The following TRABD2A variants were observed in gnomAD, a reference collection of about 807,000 sequenced individuals.
The protein encoded by TRABD2A is metalloprotease TIKI1.
Under a neutral mutation model 45.6 loss-of-function variants are expected in TRABD2A, and 43 were observed. The ratio of observed to expected loss-of-function variants is 0.94; its 90% confidence interval spans 0.74 to 1.22. The LOEUF is 1.22. Among genes scored for constraint, TRABD2A ranks in the 50% most tolerant of loss-of-function variants. The pLI is 0.00. For synonymous variants in TRABD2A, 269 were observed against 265.0 expected (o/e 1.02, Z -0.15); for missense variants, 642 against 652.4 (o/e 0.98, Z 0.17).
intron 4 of TRABD2A, chr2:84,834,571 C>T (rs1230848982): frequency 1.3e-5 from 2 of 152,446 alleles, no homozygotes; most frequent in African/African-American, 4.8e-5. Context: ...CAGCCCCTGG[C>T]AACCACTAAT....
chr2:84,856,219 C>A (rs1165583379), intron 2 of TRABD2A, among the ~76,000 whole-genome samples: 1 of 152,020 alleles, frequency 6.6e-6, no homozygotes, highest in Admixed American at 6.5e-5. Context: ...TTGAGGGTGT[C>A]TGGTCCTTGC....
intron 1 of TRABD2A, among the ~76,000 whole-genome samples, chr2:84,871,980 C>G (rs1682883432): frequency 6.6e-6 from 1 of 152,196 alleles, no homozygotes; most frequent in African/African-American, 2.4e-5. Flanking sequence ...TCTCTCCAAG[C>G]AGTTGCACAT....
intron 2 of TRABD2A, among the ~76,000 whole-genome samples, chr2:84,853,178 G>A (rs1041012400): frequency 6.6e-6 from 1 of 151,832 alleles, no homozygotes; most frequent in Non-Finnish European, 1.5e-5. Flanking sequence ...CACCCACAGG[G>A]GGAAGACCAT....
At position 84,822,182 on chromosome 2, in the gene TRABD2A, C is replaced by G. The variant is rs1681022766; in HGVS notation, c.1335-82G>C. On this transcript the variant is annotated intron_variant, in intron 6 of 6. Coordinates refer to ENST00000409520, the MANE Select transcript of TRABD2A (RefSeq NM_001277053.2). ...CCAAGGCCCCCAAATGCCCACACAG[C>G]TTCTCTTCATCTCCCCTCCTTATAG... 3.3e-6 allele frequency: 4 copies of G among 1,228,624 alleles called. No individual in the cohort carries two copies. In the South Asian group the frequency reaches 5.0e-5, roughly 15 times the overall value. 76.1% of individuals were successfully genotyped at this position (1,228,624 alleles called of 1,614,324 possible).
intron 4 of TRABD2A, chr2:84,838,265 G>T: frequency 1.4e-6 from 1 of 717,020 alleles, no homozygotes; most frequent in Non-Finnish European, 2.6e-6. Flanking sequence ...GATAAAAACA[G>T]AACAAGTTAA....
intron 2 of TRABD2A, among the ~76,000 whole-genome samples, chr2:84,855,849 G>T (rs950835547): frequency 3.3e-5 from 5 of 152,156 alleles, no homozygotes; most frequent in Admixed American, 1.3e-4. Context: ...GGTGGGTGAG[G>T]GGGTTCGAGT....
chr2:84,824,084 G>A lies in TRABD2A; in HGVS notation c.1203C>T (p.Pro401=). ...CGGCACTTCCAGGCCGGGACACAAG[G>A]GGAGGCAGCGTTGAGTGCCCTGAGG... ...AVSSGHSTLP[P]LVSRPGSADT... Residue 401 remains proline (P), a synonymous_variant, in exon 6 of 7, where the codon CCC becomes CCT. Transcript: ENST00000409520. The A allele has an allele frequency of 6.2e-7, 1 of 1,613,878 alleles. No individual in the cohort carries two copies.
In TRABD2A at chr2:84,856,615, G is replaced by A. The variant is rs1349766584; in HGVS notation, c.669+13610C>T. Among the ~76,000 whole-genome samples the A allele has an allele frequency of 2.6e-5, 4 of 152,210 alleles. No homozygotes were observed. The South Asian group carries it at 6.2e-4, about 24-fold the overall frequency. The stretch of plus-strand genomic sequence containing the variant: ...GAAGTGCTATGTTGTCAATGATGAC[G>A]GTTCCTGAACACCAGGAGGGCACAC... On this transcript the variant is annotated intron_variant, in intron 2 of 6. Coordinates refer to ENST00000409520, the MANE Select transcript of TRABD2A (RefSeq NM_001277053.2).
intron 3 of TRABD2A, among the ~76,000 whole-genome samples, chr2:84,839,559 G>C (rs963155451): frequency 4.6e-5 from 7 of 151,322 alleles, no homozygotes; most frequent in Admixed American, 4.6e-4. Context: ...ATTTACAACT[G>C]CACTTCTGTT....
At chr2:84,838,146 C>A (rs544573694) in intron 4 of TRABD2A, 46 of 698,850 alleles carry the variant, frequency 6.6e-5, no homozygotes, top group Admixed American at 4.5e-4. Context: ...TTTGGAGGAA[C>A]TTTGAACCCA....
rs1013351320 is a variant in TRABD2A at position 84,870,325 on chromosome 2, A to G, written c.569T>C (p.Leu190Pro). 6.2e-7 allele frequency: 1 copy of G among 1,614,058 alleles called. No individual in the cohort carries two copies. The change falls in exon 2 of 7, where the codon CTG becomes CCG. Residue 190 changes from leucine to proline, a missense_variant. Leu to Pro is a moderately conservative substitution (Grantham distance 98). Coordinates refer to ENST00000409520, the MANE Select transcript of TRABD2A (RefSeq NM_001277053.2). Reference sequence around the variant, plus strand: ...CCGCTCAGCCTCCTGGGCAAGGAACAGGTCTAAGACAGGCACTCCACGGGA... The same window carrying G: ...CCGCTCAGCCTCCTGGGCAAGGAACGGGTCTAAGACAGGCACTCCACGGGA... ...IKSRGVPVLD[L>P]FLAQEAERLR...
intron 2 of TRABD2A, among the ~76,000 whole-genome samples, 194 bp downstream of exon 2, chr2:84,870,031 T>C (rs1346681741): frequency 2.0e-5 from 3 of 150,666 alleles, no homozygotes; most frequent in Non-Finnish European, 2.9e-5. Context: ...AAAAACAAGT[T>C]TTTTTTCTTG....
At chr2:84,846,488 G>A (rs1681901337) in intron 2 of TRABD2A, among the ~76,000 whole-genome samples, 3 of 152,170 alleles carry the variant, frequency 2.0e-5, no homozygotes, top group Admixed American at 1.3e-4. Flanking sequence ...GAGGTAGAAG[G>A]GGCTGGATTT....
intron 2 of TRABD2A, among the ~76,000 whole-genome samples, chr2:84,856,325 C>A (rs1682303426): frequency 6.6e-6 from 1 of 152,020 alleles, no homozygotes; most frequent in South Asian, 2.1e-4. Flanking sequence ...TCCTCCCTTA[C>A]CTGAAAAGGG....
At chr2:84,823,240 A>G (rs1681047594) in intron 6 of TRABD2A, among the ~76,000 whole-genome samples, 1 of 152,042 alleles carries the variant, frequency 6.6e-6, no homozygotes. Flanking sequence ...CCACAAACAC[A>G]CACACCCACA....
At chr2:84,871,895 G>A (rs1295379923) in intron 1 of TRABD2A, among the ~76,000 whole-genome samples, 5 of 152,194 alleles carry the variant, frequency 3.3e-5, no homozygotes, top group African/African-American at 4.8e-5. Context: ...CCTTTAGGAC[G>A]TGGATCACAC....
intron 1 of TRABD2A, among the ~76,000 whole-genome samples, chr2:84,871,804 G>A (rs1682879418): frequency 6.6e-6 from 1 of 152,120 alleles, no homozygotes; most frequent in African/African-American, 2.4e-5. Flanking sequence ...TACTTTTAAA[G>A]CTCCCCTGGT....
intron 1 of TRABD2A, among the ~76,000 whole-genome samples, chr2:84,872,473 C>T (rs1682897752): frequency 6.6e-6 from 1 of 151,828 alleles, no homozygotes; most frequent in South Asian, 2.1e-4. Context: ...GTGCTTCAGC[C>T]TGGGCAACAG....
intron 2 of TRABD2A, among the ~76,000 whole-genome samples, chr2:84,844,791 T>C (rs1681830450): frequency 6.6e-6 from 1 of 152,202 alleles, no homozygotes; most frequent in Admixed American, 6.5e-5. Context: ...ATATTCTGTC[T>C]CCATCTAACT....
Sources: allele counts gnomAD v4.1 joint callset (sites outside exome capture counted in the v4.1 genomes callset), GRCh38; gene constraint gnomAD v4.1.1; transcripts MANE v1.5; gene names NCBI Gene and HGNC (gene_info 2026-07-23, HGNC 2026-07-21).